Variants in ZMAT5 observed in about 807,000 individuals in gnomAD.
ZMAT5 encodes the protein zinc finger matrin-type 5, also known as zinc finger matrin-type protein 5.
In ZMAT5, 23 loss-of-function variants were observed where a neutral mutation model predicts 28.0. That is an observed-to-expected ratio of 0.82 (90% CI 0.59 to 1.16). The LOEUF (loss-of-function observed/expected upper bound fraction) is 1.16. ZMAT5 is among the 50% of genes most tolerant of loss of function. ZMAT5 has a pLI of 0.00. For missense variants in ZMAT5, 173 were observed against 212.7 expected (o/e 0.81, Z 1.16); for synonymous variants, 76 against 84.1 (o/e 0.90, Z 0.52).
intron 1 of ZMAT5, among the ~76,000 whole-genome samples, chr22:29,760,264 T>G (rs754919309): frequency 6.6e-6 from 1 of 151,296 alleles, no homozygotes; most frequent in Non-Finnish European, 1.5e-5. Flanking sequence ...TCCCAGCTAC[T>G]CAGGAGGCTG....
intron 5 of ZMAT5, 104 bp downstream of exon 5, chr22:29,738,225 TG>T: frequency 8.8e-7 from 1 of 1,137,318 alleles, no homozygotes; most frequent in Non-Finnish European, 1.3e-6. Context: ...ATTCGGCCCC[TG>T]GGCCTGGGCA....
chr22:29,749,004 A>G (rs2068034207), intron 1 of ZMAT5, among the ~76,000 whole-genome samples: 2 of 152,006 alleles, frequency 1.3e-5, no homozygotes, highest in Admixed American at 1.3e-4. Context: ...AAAGTCTATC[A>G]GGTGATTCTA....
intron 1 of ZMAT5, among the ~76,000 whole-genome samples, chr22:29,755,398 A>G (rs1358438732): frequency 6.6e-6 from 1 of 151,300 alleles, no homozygotes; most frequent in Non-Finnish European, 1.5e-5. Context: ...AAAGAAAAAG[A>G]AAAGAAAGAA....
At chr22:29,753,768 G>A (rs991002132) in intron 1 of ZMAT5, among the ~76,000 whole-genome samples, 1 of 152,088 alleles carries the variant, frequency 6.6e-6, no homozygotes, top group African/African-American at 2.4e-5. Flanking sequence ...TTGGGGTGAG[G>A]GGGCACACAT....
At chr22:29,755,227 G>A (rs190691949) in intron 1 of ZMAT5, among the ~76,000 whole-genome samples, 3 of 151,796 alleles carry the variant, frequency 2.0e-5, no homozygotes, top group East Asian at 3.9e-4. Flanking sequence ...CCCAGGCAGC[G>A]GAGGTTGCAG....
intron 1 of ZMAT5, among the ~76,000 whole-genome samples, chr22:29,753,846 C>A (rs2068076194): frequency 6.6e-6 from 1 of 152,122 alleles, no homozygotes. Context: ...CAGAGGCTGG[C>A]CTTCAACAAG....
At chr22:29,737,888 A>C (rs2067921042) in intron 5 of ZMAT5, among the ~76,000 whole-genome samples, 1 of 79,380 alleles carries the variant, frequency 1.3e-5, no homozygotes, top group Non-Finnish European at 2.4e-5. Flanking sequence ...TGGGACCAGG[A>C]CCTCGTCATC....
intron 1 of ZMAT5, among the ~76,000 whole-genome samples, chr22:29,753,264 C>T (rs1299883424): frequency 6.6e-6 from 1 of 152,204 alleles, no homozygotes; most frequent in Non-Finnish European, 1.5e-5. Context: ...TGGTGGCTCA[C>T]GCCCATAATC....
At chr22:29,748,378 C>T (rs1466719743) in intron 2 of ZMAT5, 40 bp downstream of exon 2, 1 of 1,613,752 alleles carries the variant, frequency 6.2e-7, no homozygotes, top group African/African-American at 1.3e-5. Context: ...GATCAGAGAG[C>T]AGGGCTCCAG....
chr22:29,739,633 G>A (rs566993785), intron 4 of ZMAT5, among the ~76,000 whole-genome samples: 61 of 152,316 alleles, frequency 4.0e-4, no homozygotes, highest in Non-Finnish European at 6.9e-4. Context: ...GTCCCCGCTC[G>A]GCATCGTCTC....
intron 1 of ZMAT5, among the ~76,000 whole-genome samples, chr22:29,751,002 G>A (rs533333542): frequency 1.4e-4 from 22 of 152,300 alleles, no homozygotes; most frequent in African/African-American, 5.3e-4. Flanking sequence ...TCCCAGACAC[G>A]CACACTTGAT....
intron 1 of ZMAT5, among the ~76,000 whole-genome samples, chr22:29,763,058 C>T (rs1462950515): frequency 2.6e-5 from 4 of 151,798 alleles, no homozygotes; most frequent in African/African-American, 4.8e-5. Context: ...GGTGGGAGGC[C>T]GAGACGGACA....
intron 1 of ZMAT5, among the ~76,000 whole-genome samples, chr22:29,754,103 G>C (rs935018129): frequency 5.3e-5 from 8 of 152,140 alleles, no homozygotes; most frequent in African/African-American, 1.9e-4. Context: ...AGGGGTCAGG[G>C]ACAGGGGAGG....
intron 4 of ZMAT5, among the ~76,000 whole-genome samples, chr22:29,738,744 C>T (rs1193171165): frequency 4.6e-5 from 7 of 152,164 alleles, no homozygotes; most frequent in Non-Finnish European, 1.0e-4. Context: ...TGGCTCACGT[C>T]TGTAATCCCA....
Position 29,765,194 on chromosome 22 carries a change from G to A in ZMAT5, c.-28+1678C>T, listed in dbSNP as rs539698831. 7.5e-4 allele frequency among the ~76,000 whole-genome samples: 114 copies of A among 152,124 alleles called. 1 individual carries two copies. Among genetic ancestry groups the A allele is most frequent in the African/African-American group, 2.7e-3 (112 of 41,506 alleles). ...GGCACTTTGGGAGACCGTGGCAGGC[G>A]GATCACTTGAGGCCAGGAGTTCAAG... is the stretch of plus-strand genomic sequence containing the variant. On this transcript the variant is annotated intron_variant, in intron 1 of 5. Coordinates refer to ENST00000344318, the MANE Select transcript of ZMAT5 (RefSeq NM_001003692.2).
Position 29,748,534 on chromosome 22 carries a change from C to G in ZMAT5, c.11G>C (p.Arg4Pro), listed in dbSNP as rs781203546. Residue 4 changes from arginine (R) to proline (P), a missense_variant, in exon 2 of 6, where the codon CGA becomes CCA. Arg to Pro is a moderately radical substitution (Grantham distance 103). Coordinates refer to ENST00000344318, the MANE Select transcript of ZMAT5 (RefSeq NM_001003692.2). MGKRYFCDYCDRSF... is the reference protein window; with the variant it reads MGKPYFCDYCDRSF... Reference sequence around the variant, plus strand: ...GCGGTCGCAGTAGTCACAGAAGTATCGCTTCCCCATGGCCACTCAGAGCAG... The same window carrying G: ...GCGGTCGCAGTAGTCACAGAAGTATGGCTTCCCCATGGCCACTCAGAGCAG... 3 of 1,614,142 alleles carry G rather than the reference C, an allele frequency of 1.9e-6. No individual in the cohort carries two copies. The highest frequency in any genetic ancestry group is 2.5e-6 in the Non-Finnish European group (3 of 1,180,034).
intron 1 of ZMAT5, among the ~76,000 whole-genome samples, chr22:29,750,389 G>A (rs2068045772): frequency 6.6e-6 from 1 of 152,170 alleles, no homozygotes; most frequent in Non-Finnish European, 1.5e-5. Flanking sequence ...AAATTATCAG[G>A]TGGCAGGTCC....
chr22:29,752,926 C>T (rs1033752866), intron 1 of ZMAT5, among the ~76,000 whole-genome samples: 2 of 152,164 alleles, frequency 1.3e-5, no homozygotes, highest in Admixed American at 6.5e-5. Context: ...CCCTCTGGGA[C>T]GGGAAAGCAT....
At chr22:29,754,884 A>T (rs368074302) in intron 1 of ZMAT5, among the ~76,000 whole-genome samples, 1 of 152,160 alleles carries the variant, frequency 6.6e-6, no homozygotes, top group East Asian at 1.9e-4. Context: ...CAAAGAAAAA[A>T]ATGTGCCTAG....
Sources: gnomAD v4.1 joint callset for allele counts (sites outside exome capture counted in the v4.1 genomes callset) on GRCh38, gnomAD v4.1.1 for gene constraint, MANE v1.5 for transcripts, NCBI Gene and HGNC (gene_info 2026-07-23, HGNC 2026-07-21) for gene names.